The following SPATA22 variants were observed in gnomAD, a reference collection of about 807,000 sequenced individuals.
SPATA22 encodes the protein spermatogenesis-associated protein 22.
A neutral mutation model predicts 47.8 loss-of-function variants in SPATA22; 29 were observed. The observed-to-expected ratio is 0.61, with a 90% CI of 0.45 to 0.83. The LOEUF (loss-of-function observed/expected upper bound fraction) is 0.83. Among genes scored for constraint, SPATA22 ranks in the 40% least tolerant of loss-of-function variants. The pLI, the probability that SPATA22 is intolerant of heterozygous loss-of-function variation, is 0.00. For synonymous variants in SPATA22, 133 were observed against 140.9 expected (o/e 0.94, Z 0.40); for missense variants, 410 against 421.7 (o/e 0.97, Z 0.24).
chr17:3,500,204 C>T (rs924680607), intron 1 of SPATA22: 5 of 152,188 alleles, frequency 3.3e-5, no homozygotes, highest in Non-Finnish European at 7.3e-5. Context: ...AGCTCTAAAA[C>T]CTACAAGTGG....
Position 3,440,185 on chromosome 17 carries a change from C to T in SPATA22, c.1054G>A (p.Glu352Lys). Residue 352 changes from glutamate to lysine, a missense_variant, in exon 9 of 9, where the codon GAG becomes AAG. Glu to Lys is a moderately conservative substitution (Grantham distance 56). Transcript: ENST00000572969. Reference protein sequence around the residue: ...FQAFVKIADVEMQYYINVMNE... With the variant: ...FQAFVKIADVKMQYYINVMNE... ...ATCACATTAATATAATACTGCATCT[C>T]AACATCTGCAATTTTGACAAATGCC... 1 of 1,608,560 alleles carries T rather than the reference C, an allele frequency of 6.2e-7. No homozygotes were observed. The highest frequency in any genetic ancestry group is 1.1e-5 in the South Asian group (1 of 89,868).
intron 1 of SPATA22, among the ~76,000 whole-genome samples, chr17:3,489,754 T>C (rs192014350): frequency 3.0e-4 from 45 of 152,306 alleles, no homozygotes; most frequent in Admixed American, 1.2e-3. Flanking sequence ...TACCTGCTGG[T>C]GAACATATAA....
intron 1 of SPATA22, among the ~76,000 whole-genome samples, chr17:3,484,583 T>C (rs2073687435): frequency 6.6e-6 from 1 of 152,226 alleles, no homozygotes; most frequent in Admixed American, 6.5e-5. Context: ...GTCTTGAAAT[T>C]ATCTGTGATG....
At chr17:3,513,621 TA>T (rs1406486296) in exon 1 of SPATA22, 1 of 308,594 alleles carries the variant, frequency 3.2e-6, no homozygotes, top group East Asian at 5.5e-5. Context: ...CTGCAATTGG[TA>T]AAACCAGAGG....
chr17:3,448,468 C>T (rs907979267), intron 6 of SPATA22, among the ~76,000 whole-genome samples: 3 of 152,120 alleles, frequency 2.0e-5, no homozygotes, highest in African/African-American at 4.8e-5. Flanking sequence ...GTTTGCTGAC[C>T]TCTGTTGAAA....
intron 1 of SPATA22, chr17:3,481,870 A>T: frequency 7.3e-7 from 1 of 1,362,422 alleles, no homozygotes; most frequent in Non-Finnish European, 1.0e-6. Flanking sequence ...GATGTGAGAC[A>T]ATCAGAAAAC....
Position 3,467,510 on chromosome 17 carries a change from G to A in SPATA22, c.88C>T (p.Gln30Ter). 1 of 1,609,712 alleles carries A rather than the reference G, an allele frequency of 6.2e-7. No homozygotes were observed. Among genetic ancestry groups the A allele is most frequent in the South Asian group, 1.1e-5 (1 of 90,106 alleles). ...PLFNQKKRNRQPLTSNPLKDD... is the reference protein window; with the variant it reads ...PLFNQKKRNR ...TTAAGTGGATTAGAAGTTAATGGCT[G>A]TCTGTTCCTCTTTTTCTGATTGAAC... The change falls in exon 3 of 9, where the codon CAG (glutamine) becomes TAG (stop). Residue 30 changes from glutamine (Q) to a stop codon, truncating the protein, a stop_gained. Coordinates refer to ENST00000572969, the MANE Select transcript of SPATA22 (RefSeq NM_001170698.2). LOFTEE classifies it high-confidence loss of function.
chr17:3,465,175 C>A (rs1354285894), intron 3 of SPATA22, among the ~76,000 whole-genome samples: 1 of 138,428 alleles, frequency 7.2e-6, no homozygotes, highest in Non-Finnish European at 1.6e-5. Context: ...GCCCCCCGCC[C>A]GGCCAGCCGC....
At position 3,488,043 on chromosome 17, in the gene SPATA22, A is replaced by G. The variant is rs1276682447; in HGVS notation, c.-73-18645T>C. ...ATAAAAAATGATGCAAGAGAATAAG[A>G]TAAGATTTTGTGTATTGGGAAATAA... is the stretch of plus-strand genomic sequence containing the variant. On this transcript the variant is annotated intron_variant, in intron 1 of 8. Transcript: ENST00000541913. This position sits in a 1 kb window ranked among gnomAD's most constrained non-coding sequence, Gnocchi z 6.1. 6.6e-6 allele frequency among the ~76,000 whole-genome samples: 1 copy of G among 152,206 alleles called. No individual in the cohort carries two copies. The highest frequency in any genetic ancestry group is 1.5e-5 in the Non-Finnish European group (1 of 68,038).
Position 3,443,271 on chromosome 17 carries a change from G to A in SPATA22, c.803C>T (p.Ala268Val), listed in dbSNP as rs1173768515. The change falls in exon 8 of 9, where the codon GCT (alanine) becomes GTT (valine). Residue 268 changes from alanine (A) to valine (V), a missense_variant and splice_region_variant. Coordinates refer to ENST00000572969, the MANE Select transcript of SPATA22 (RefSeq NM_001170698.2). Reference sequence around the variant, plus strand: ...AGGTGTAACAGCTGAATCAAGAACAGCTAAGCAATATTGAAATGGGGGAAA... The same window carrying A: ...AGGTGTAACAGCTGAATCAAGAACAACTAAGCAATATTGAAATGGGGGAAA... ...QKTVLLFEVL[A>V]VLDSAVTPGP... The A allele has an allele frequency of 1.3e-6, 2 of 1,594,568 alleles. No homozygotes were observed. The highest frequency in any genetic ancestry group is 1.4e-5 in the African/African-American group (1 of 73,908).
At chr17:3,454,927 G>C (rs2072950591) in intron 5 of SPATA22, among the ~76,000 whole-genome samples, 1 of 151,750 alleles carries the variant, frequency 6.6e-6, no homozygotes, top group African/African-American at 2.4e-5. Context: ...CAGTGTAAAA[G>C]TGTTCCTATT....
chr17:3,462,589 AAT>A lies in SPATA22; in HGVS notation c.234-13_234-12del. 6.2e-7 allele frequency: 1 copy of A among 1,608,118 alleles called. No homozygotes were observed. The highest frequency in any genetic ancestry group is 8.5e-7 in the Non-Finnish European group (1 of 1,175,034). Reference sequence around the variant, plus strand: ...GAATGTGGTATTTGCCTTTCAAGGGAATATGTCTTGTTAAATATTAATAGTTT... The same window carrying A: ...GAATGTGGTATTTGCCTTTCAAGGGAATGTCTTGTTAAATATTAATAGTTT... On this transcript the variant is annotated splice_polypyrimidine_tract_variant and intron_variant, in intron 4 of 8. Coordinates refer to ENST00000572969, the MANE Select transcript of SPATA22 (RefSeq NM_001170698.2).
At chr17:3,499,702 T>C (rs1356687358) in intron 1 of SPATA22, 1 of 152,300 alleles carries the variant, frequency 6.6e-6, no homozygotes, top group Non-Finnish European at 1.5e-5. Flanking sequence ...ACTTAGTGAA[T>C]GTTGTGTGAG....
At chr17:3,467,209 A>T (rs1361997419) in intron 3 of SPATA22, among the ~76,000 whole-genome samples, 1 of 152,140 alleles carries the variant, frequency 6.6e-6, no homozygotes, top group East Asian at 1.9e-4. Flanking sequence ...AAAGACTCCA[A>T]ATCTAAGATA....
In SPATA22 at chr17:3,494,464, C is replaced by T. The variant is rs372034048; in HGVS notation, c.-74+18948G>A. Reference sequence around the variant, plus strand: ...ATCATCCATCCTAATCTGCAGGTAACATTTGTTCTTTCTTTAAAATGTTGA... The same window carrying T: ...ATCATCCATCCTAATCTGCAGGTAATATTTGTTCTTTCTTTAAAATGTTGA... On this transcript the variant is annotated intron_variant, in intron 1 of 8. Coordinates refer to the SPATA22 transcript ENST00000541913. 20 of 1,588,334 alleles carry T rather than the reference C, an allele frequency of 1.3e-5. No homozygotes were observed. The African/African-American group carries it at 2.4e-4, about 19-fold the overall frequency.
intron 1 of SPATA22, chr17:3,510,784 G>T (rs907864156): frequency 2.0e-5 from 3 of 152,172 alleles, no homozygotes; most frequent in Non-Finnish European, 4.4e-5. Context: ...CATCTACCTG[G>T]GCCCTGCCCA....
At chr17:3,457,469 T>C (rs969072148) in intron 5 of SPATA22, among the ~76,000 whole-genome samples, 16 of 151,792 alleles carry the variant, frequency 1.1e-4, no homozygotes, top group Admixed American at 5.3e-4. Context: ...TTCACAGAAA[T>C]AGAAAAAACA....
upstream of SPATA22, among the ~76,000 whole-genome samples, chr17:3,473,328 C>T (rs1033864156): frequency 6.6e-6 from 1 of 152,136 alleles, no homozygotes; most frequent in Non-Finnish European, 1.5e-5. Flanking sequence ...TACTGAACAT[C>T]ACATTATGTA....
At chr17:3,466,632 G>A (rs2073320543) in intron 3 of SPATA22, among the ~76,000 whole-genome samples, 1 of 152,228 alleles carries the variant, frequency 6.6e-6, no homozygotes, top group Non-Finnish European at 1.5e-5. Flanking sequence ...GGATGAAGGT[G>A]TGTCTTAGTC....
Sources: allele counts gnomAD v4.1 joint callset (sites outside exome capture counted in the v4.1 genomes callset), GRCh38; gene constraint gnomAD v4.1.1; non-coding constraint Gnocchi (gnomAD v3.1); transcripts MANE v1.5; gene names NCBI Gene and HGNC (gene_info 2026-07-23, HGNC 2026-07-21).